Variants in CCDC33 observed in about 807,000 individuals in gnomAD.
CCDC33 encodes coiled-coil domain containing 33.
CCDC33 carries 94 observed loss-of-function variants against 91.9 expected under a neutral mutation model. That is an observed-to-expected ratio of 1.02 (90% confidence interval 0.87 to 1.21). The LOEUF is 1.21. Ranked by LOEUF, CCDC33 falls within the 50% of genes most tolerant of loss-of-function variation. CCDC33 has a pLI of 0.00. For missense variants in CCDC33, 940 were observed against 935.5 expected, an observed-to-expected ratio of 1.00 and a Z score of -0.06; for synonymous variants, 396 against 374.5, an observed-to-expected ratio of 1.06 and a Z score of -0.66.
intron 1 of CCDC33, among the ~76,000 whole-genome samples, chr15:74,239,913 G>GAT (rs1456046206): frequency 7.9e-5 from 12 of 152,232 alleles, no homozygotes; most frequent in Non-Finnish European, 1.3e-4. Flanking sequence ...CAATCCTCTA[G>GAT]TGCAGGCCAG....
intron 2 of CCDC33, among the ~76,000 whole-genome samples, chr15:74,255,489 C>CAACT (rs1270406855): frequency 6.6e-6 from 1 of 152,260 alleles, no homozygotes; most frequent in Non-Finnish European, 1.5e-5. Flanking sequence ...GACAGAGGAG[C>CAACT]AACTGGCCCT....
In CCDC33 at chr15:74,295,936, G is replaced by C. The variant is rs2059677527; in HGVS notation, c.1278G>C (p.Met426Ile). ...EAEEEPLVPE[M>I]SHDTEMNNYR... is the part of the protein sequence containing the mutation. ...AGGAGGAACCTCTGGTGCCTGAGAT[G>C]TCCCATGACACAGTGAGTGTCTCTC... The change falls in exon 11 of 19, where the codon ATG becomes ATC. Residue 426 changes from methionine (M) to isoleucine (I), a missense_variant. Transcript: ENST00000398814. The C allele has an allele frequency of 1.2e-6, 2 of 1,612,370 alleles. No individual in the cohort carries two copies.
intron 11 of CCDC33, among the ~76,000 whole-genome samples, chr15:74,328,697 GGGCC>G (rs1567039042): frequency 6.6e-6 from 1 of 152,200 alleles, no homozygotes. Context: ...GGTGTCTGGT[GGGCC>G]CCTGCTGCCA....
Position 74,272,991 on chromosome 15 carries a change from G to A in CCDC33, c.759+100G>A, listed in dbSNP as rs188234263. 1.2e-5 allele frequency: 18 copies of A among 1,477,636 alleles called. No homozygotes were observed. In the East Asian group the frequency reaches 1.8e-4, roughly 15 times the overall value. 91.5% of individuals were successfully genotyped at this position (1,477,636 alleles called of 1,614,324 possible). ...AGTCAGCAGTTCCCTTGACTATCGA[G>A]TAAGAGTTGACTGAATCCCACGGCA... On this transcript the variant is annotated intron_variant, in intron 7 of 18. Transcript: ENST00000398814.
intron 11 of CCDC33, chr15:74,301,969 G>A (rs994320507): frequency 6.6e-6 from 1 of 152,004 alleles, no homozygotes; most frequent in Non-Finnish European, 1.5e-5. Context: ...GCAGACCAGA[G>A]GGCCCTCATA....
At chr15:74,291,707 G>A (rs1342250980) in intron 10 of CCDC33, among the ~76,000 whole-genome samples, 1 of 152,254 alleles carries the variant, frequency 6.6e-6, no homozygotes, top group Non-Finnish European at 1.5e-5. Context: ...GGGCAGGCTG[G>A]AACTGCTGCA....
intron 1 of CCDC33, among the ~76,000 whole-genome samples, chr15:74,243,160 C>T (rs539020155): frequency 3.3e-5 from 5 of 152,332 alleles, no homozygotes; most frequent in South Asian, 2.1e-4. Context: ...CTCCCTAGTC[C>T]GCAAGTTTCC....
upstream of CCDC33, among the ~76,000 whole-genome samples, chr15:74,213,983 C>T (rs568877012): frequency 7.9e-5 from 12 of 152,264 alleles, no homozygotes; most frequent in African/African-American, 2.6e-4. Flanking sequence ...GTCCCAGCCC[C>T]AGATCCTTGG....
intron 7 of CCDC33, among the ~76,000 whole-genome samples, chr15:74,274,634 T>G (rs2076404373): frequency 6.6e-6 from 1 of 152,180 alleles, no homozygotes; most frequent in Admixed American, 6.5e-5. Flanking sequence ...TAGAGTTACC[T>G]CACACATGGC....
intron 15 of CCDC33, 35 bp downstream of exon 15, chr15:74,331,331 C>T: frequency 1.2e-6 from 2 of 1,604,586 alleles, no homozygotes; most frequent in Non-Finnish European, 1.7e-6. Flanking sequence ...AGCTCCCCAG[C>T]TTCTGCTCCA....
intron 10 of CCDC33, among the ~76,000 whole-genome samples, chr15:74,288,995 A>T (rs2059533168): frequency 6.6e-6 from 1 of 152,138 alleles, no homozygotes; most frequent in African/African-American, 2.4e-5. Context: ...CGGTAAAGGG[A>T]TCTCTTAGTG....
intron 1 of CCDC33, among the ~76,000 whole-genome samples, chr15:74,243,244 T>G (rs565793076): frequency 1.3e-5 from 2 of 152,330 alleles, no homozygotes; most frequent in African/African-American, 2.4e-5. Context: ...AATGCCCCCA[T>G]GAACGTGGAG....
chr15:74,295,927 G>C lies in CCDC33; in HGVS notation c.1269G>C (p.Val423=), dbSNP rs776863953. The C allele has an allele frequency of 6.2e-7, 1 of 1,613,080 alleles. No homozygotes were observed. The highest frequency in any genetic ancestry group is 1.3e-5 in the African/African-American group (1 of 74,904). The change falls in exon 11 of 19, where the codon GTG becomes GTC. Residue 423 remains valine (V), a synonymous_variant. Coordinates refer to ENST00000398814, the MANE Select transcript of CCDC33 (RefSeq NM_025055.5). ...GAGAAGCAGAGGAGGAACCTCTGGT[G>C]CCTGAGATGTCCCATGACACAGTGA... is the stretch of plus-strand genomic sequence containing the variant. The part of the protein sequence containing the change: ...TPREAEEEPL[V]PEMSHDTEMN...
At chr15:74,217,093 A>G (rs913684098), upstream of CCDC33, 1 of 310,660 alleles carries the variant, frequency 3.2e-6, no homozygotes, top group South Asian at 3.4e-5. Flanking sequence ...ATCGATGGAA[A>G]AAAACTTCCC....
intron 1 of CCDC33, chr15:74,208,681 A>T (rs1374031458): frequency 3.0e-6 from 3 of 983,890 alleles, no homozygotes; most frequent in Non-Finnish European, 3.6e-6. Flanking sequence ...CACTCTGCTC[A>T]CTTCCTGCCC....
At chr15:74,228,016 C>T (rs2074854917) in intron 2 of CCDC33, among the ~76,000 whole-genome samples, 1 of 152,300 alleles carries the variant, frequency 6.6e-6, no homozygotes, top group East Asian at 1.9e-4. Flanking sequence ...ATCTCCACCC[C>T]ATTACCTCTG....
rs200996625 is a variant in CCDC33 at position 74,330,644 on chromosome 15, T to C, written c.1457-19T>C. On this transcript the variant is annotated intron_variant, in intron 12 of 18. Transcript: ENST00000398814. Reference sequence around the variant, plus strand: ...GGAGAGGCTTCCTCCCTGAGCCAGCTCCCCAACCCACCTAACAGTGTCCAT... The same window carrying C: ...GGAGAGGCTTCCTCCCTGAGCCAGCCCCCCAACCCACCTAACAGTGTCCAT... The C allele has an allele frequency of 1.8e-4, 289 of 1,604,786 alleles. No homozygotes were observed. The African/African-American group carries it at 3.6e-3, about 20-fold the overall frequency.
intron 7 of CCDC33, 121 bp downstream of exon 7, chr15:74,273,012 C>CAGCACTGGGTATGCCGT: frequency 7.6e-7 from 1 of 1,322,914 alleles, no homozygotes; most frequent in Non-Finnish European, 1.1e-6. Flanking sequence ...CTGAATCCCA[C>CAGCACTGGGTATGCCGT]GGCATACCCA....
intron 1 of CCDC33, among the ~76,000 whole-genome samples, chr15:74,208,451 G>A (rs2074311762): frequency 6.6e-6 from 1 of 152,130 alleles, no homozygotes; most frequent in Non-Finnish European, 1.5e-5. Context: ...TGAGGACATT[G>A]ACTGCTGGGC....
Sources: gnomAD v4.1 joint callset for allele counts (sites outside exome capture counted in the v4.1 genomes callset) on GRCh38, gnomAD v4.1.1 for gene constraint, MANE v1.5 for transcripts, NCBI Gene and HGNC (gene_info 2026-07-23, HGNC 2026-07-21) for gene names.